TENM2: variants seen among roughly 807,000 people sequenced by gnomAD.
The protein encoded by TENM2 is teneurin-2.
Under a neutral mutation model 245.2 loss-of-function variants are expected in TENM2, and 52 were observed. The observed-to-expected ratio is 0.21, with a 90% CI of 0.17 to 0.27. TENM2 has a LOEUF of 0.27. Ranked by LOEUF, TENM2 falls within the 10% of genes least tolerant of loss-of-function variation. TENM2 has a pLI of 1.00. For missense variants in TENM2, 3,046 were observed against 3,666.8 expected, an observed-to-expected ratio of 0.83 and a Z score of 4.37; for synonymous variants, 1,363 against 1,438.9, an observed-to-expected ratio of 0.95 and a Z score of 1.19.
chr5:167,387,078 A>AT (rs1357508051), intron 2 of TENM2, among the ~76,000 whole-genome samples: 1 of 152,106 alleles, frequency 6.6e-6, no homozygotes, highest in Non-Finnish European at 1.5e-5. Context: ...ATTGCATTGA[A>AT]TTTGTAGATT....
chr5:168,069,586 AT>A (rs1264187648), intron 7 of TENM2, among the ~76,000 whole-genome samples: 1 of 152,188 alleles, frequency 6.6e-6, no homozygotes, highest in Non-Finnish European at 1.5e-5. Flanking sequence ...CATGTGCATT[AT>A]CTTGTTTTAT....
At chr5:167,230,062 T>G in the TENM2 span, among the ~76,000 whole-genome samples, 1 of 152,120 alleles carries the variant, frequency 6.6e-6, no homozygotes, top group African/African-American at 2.4e-5. Flanking sequence ...TCAGCCCAGT[T>G]GCAGGGCAGA....
chr5:167,155,925 T>A, the TENM2 span, among the ~76,000 whole-genome samples: 1 of 152,310 alleles, frequency 6.6e-6, no homozygotes, highest in South Asian at 2.1e-4. Context: ...ATTCCCTGGG[T>A]CCTGTATTTC....
At chr5:167,118,279 A>G in the TENM2 span, among the ~76,000 whole-genome samples, 2 of 152,316 alleles carry the variant, frequency 1.3e-5, no homozygotes, top group East Asian at 1.9e-4. Flanking sequence ...CAGAGGAGAG[A>G]GAGAAACTCA....
the TENM2 span, among the ~76,000 whole-genome samples, chr5:167,119,316 T>A: frequency 0.11 from 16,561 of 152,076 alleles, 2,953 homozygotes; most frequent in African/African-American, 0.38. Context: ...TAACGCAAGG[T>A]GAAAGAAAAA....
At chr5:167,573,114 TTTC>T (rs935760317) in intron 2 of TENM2, among the ~76,000 whole-genome samples, 3 of 152,158 alleles carry the variant, frequency 2.0e-5, no homozygotes, top group African/African-American at 7.2e-5. Context: ...GAAGCATTTG[TTTC>T]TTCTTTTGTT....
At chr5:167,774,230 A>AAGGAAGGAAGGG (rs1763604839) in intron 2 of TENM2, among the ~76,000 whole-genome samples, 1 of 150,260 alleles carries the variant, frequency 6.7e-6, no homozygotes, top group African/African-American at 2.5e-5. Context: ...GGAAGGAAGG[A>AAGGAAGGAAGGG]AGGAAGGAAG....
chr5:167,275,014 A>G, the TENM2 span, among the ~76,000 whole-genome samples: 2 of 151,974 alleles, frequency 1.3e-5, no homozygotes, highest in African/African-American at 4.8e-5. Flanking sequence ...ACATATAAAT[A>G]TATATACACA....
chr5:167,218,517 C>T, the TENM2 span, among the ~76,000 whole-genome samples: 1 of 152,022 alleles, frequency 6.6e-6, no homozygotes, highest in African/African-American at 2.4e-5. Context: ...TTCTGGGTTT[C>T]AGTTGTTTAA....
intron 2 of TENM2, among the ~76,000 whole-genome samples, chr5:167,420,885 C>T (rs1763467333): frequency 6.6e-6 from 1 of 152,138 alleles, no homozygotes. Context: ...GTTGCACACA[C>T]TCAAAATATT....
At chr5:167,697,615 C>T (rs1428409948) in intron 2 of TENM2, among the ~76,000 whole-genome samples, 1 of 152,068 alleles carries the variant, frequency 6.6e-6, no homozygotes, top group Non-Finnish European at 1.5e-5. Context: ...AACCTCTGCC[C>T]CCAGGTTCAA....
At chr5:167,992,581 A>T (rs1291474164) in intron 4 of TENM2, among the ~76,000 whole-genome samples, 1 of 152,180 alleles carries the variant, frequency 6.6e-6, no homozygotes, top group East Asian at 1.9e-4. Flanking sequence ...TGTACCATGA[A>T]CCCAAAATAA....
In TENM2 at chr5:168,226,209, G is replaced by A. The variant is rs367644349; in HGVS notation, c.5230G>A (p.Val1744Ile). The A allele has an allele frequency of 1.3e-4, 209 of 1,613,248 alleles. No homozygotes were observed. Among genetic ancestry groups the A allele is most frequent in the Non-Finnish European group, 1.7e-4 (196 of 1,179,634 alleles). ...TGAGAACTCCAACCGTGATGATGAC[G>A]TCACTGTCATCACCAACCTCTCTTC... The change falls in exon 24 of 29, where the codon GTC becomes ATC. Residue 1744 changes from valine to isoleucine, a missense_variant. Around this residue, in one of 2 missense-constraint regions of TENM2, gnomAD observed 2,704 missense variants for 3,331.9 expected, o/e 0.81. Coordinates refer to ENST00000518659, the Ensembl canonical transcript of TENM2.
At chr5:168,210,737 G>A (rs958612276) in intron 19 of TENM2, among the ~76,000 whole-genome samples, 2 of 152,060 alleles carry the variant, frequency 1.3e-5, no homozygotes, top group Non-Finnish European at 2.9e-5. Flanking sequence ...AGAAATCAGG[G>A]CATTAAACTC....
chr5:167,515,513 T>G (rs891946839), intron 2 of TENM2, among the ~76,000 whole-genome samples: 1 of 150,888 alleles, frequency 6.6e-6, no homozygotes, highest in Non-Finnish European at 1.5e-5. Context: ...TGCTAAGTCC[T>G]AGGGATACCA....
chr5:168,075,585 G>C (rs548711402), intron 7 of TENM2, among the ~76,000 whole-genome samples: 1 of 152,266 alleles, frequency 6.6e-6, no homozygotes, highest in South Asian at 2.1e-4. Context: ...CTGGAGATTA[G>C]ATTTGTCTCC....
chr5:167,056,619 C>CTATATAAATATATATCTATATAAATA, the TENM2 span, among the ~76,000 whole-genome samples: 2 of 144,330 alleles, frequency 1.4e-5, no homozygotes, highest in African/African-American at 5.0e-5. Flanking sequence ...ATAAATATAT[C>CTATATAAATATATATCTATATAAATA]TATATAAATA....
At chr5:167,212,470 G>T in the TENM2 span, among the ~76,000 whole-genome samples, 9 of 152,250 alleles carry the variant, frequency 5.9e-5, 1 homozygote, top group African/African-American at 2.2e-4. Flanking sequence ...AGAGATGGGG[G>T]TTATTGTGTC....
intron 3 of TENM2, among the ~76,000 whole-genome samples, chr5:167,916,878 C>T (rs570669444): frequency 2.0e-5 from 3 of 152,204 alleles, no homozygotes; most frequent in Non-Finnish European, 2.9e-5. Flanking sequence ...CAGCAGCAGC[C>T]GCAGCTGATC....
Sources: allele counts gnomAD v4.1 joint callset (sites outside exome capture counted in the v4.1 genomes callset), GRCh38; gene constraint gnomAD v4.1.1; regional missense constraint gnomAD v4.1.1; transcripts MANE v1.5; gene names NCBI Gene and HGNC (gene_info 2026-07-23, HGNC 2026-07-21).